UBR3: variants seen among roughly 807,000 people sequenced by gnomAD.
UBR3 encodes the protein E3 ubiquitin-protein ligase UBR3.
UBR3 carries 85 observed loss-of-function variants against 243.2 expected under a neutral mutation model. That is an observed-to-expected ratio of 0.35 (90% CI 0.29 to 0.42). The LOEUF is 0.42. Among genes scored for constraint, UBR3 ranks in the 10% least tolerant of loss-of-function variants. The pLI is 1.00. For missense variants in UBR3, 1,686 were observed against 2,300.8 expected, an observed-to-expected ratio of 0.73 and a Z score of 5.47; for synonymous variants, 748 against 799.8, an observed-to-expected ratio of 0.94 and a Z score of 1.09.
intron 1 of UBR3, among the ~76,000 whole-genome samples, chr2:169,864,035 A>G (rs2083173769): frequency 6.6e-6 from 1 of 151,958 alleles, no homozygotes; most frequent in African/African-American, 2.4e-5. Context: ...GTGCTGTCAA[A>G]TACTTTCTTT....
At chr2:170,073,690 G>T in intron 36 of UBR3, 83 bp downstream of exon 36, 1 of 1,410,156 alleles carries the variant, frequency 7.1e-7, no homozygotes, top group Non-Finnish European at 9.5e-7. Context: ...TAAATTTTAG[G>T]TCATCTGTTT....
intron 23 of UBR3, among the ~76,000 whole-genome samples, chr2:169,951,630 A>G (rs1211159748): frequency 1.3e-5 from 2 of 152,172 alleles, no homozygotes; most frequent in African/African-American, 4.8e-5. Context: ...ATAAATGGTT[A>G]CAGGGAAACT....
At chr2:170,054,284 T>C (rs1264265038) in intron 32 of UBR3, among the ~76,000 whole-genome samples, 1 of 118,806 alleles carries the variant, frequency 8.4e-6, no homozygotes, top group Non-Finnish European at 1.9e-5. Context: ...CACACCCAGC[T>C]TTTTTTTTTT....
chr2:169,877,521 A>G lies in UBR3; in HGVS notation c.872A>G (p.Lys291Arg). ...SGLGENACVK[K>R]SHEKYLIALK... is the part of the protein sequence containing the mutation. ...CTTGGAGAAAATGCTTGTGTAAAGAAAAGTCATGAAAAGTACCTTATAGCT... is the reference window on the plus strand; with the variant it reads ...CTTGGAGAAAATGCTTGTGTAAAGAGAAGTCATGAAAAGTACCTTATAGCT... Residue 291 changes from lysine to arginine, a missense_variant, in exon 4 of 39, where the codon AAA becomes AGA. This residue lies in a region of UBR3 where 200 missense variants were observed against 231.6 expected (regional missense o/e 0.86). Transcript: ENST00000272793. The G allele has an allele frequency of 6.5e-7, 1 of 1,533,024 alleles. No individual in the cohort carries two copies. The highest frequency in any genetic ancestry group is 8.7e-7 in the Non-Finnish European group (1 of 1,143,024). 95.0% of individuals were successfully genotyped at this position (1,533,024 alleles called of 1,614,324 possible). A position where few individuals can be genotyped will look rare whatever the true frequency, so the allele number is the denominator to read the frequency against.
At chr2:169,942,135 C>T (rs1239147508) in intron 19 of UBR3, among the ~76,000 whole-genome samples, 2 of 152,176 alleles carry the variant, frequency 1.3e-5, no homozygotes, top group African/African-American at 4.8e-5. Flanking sequence ...GCTTTTCCAA[C>T]CATTCGTAGT....
chr2:170,071,203 C>A (rs1297420794), intron 35 of UBR3, among the ~76,000 whole-genome samples: 1 of 152,110 alleles, frequency 6.6e-6, no homozygotes, highest in African/African-American at 2.4e-5. Flanking sequence ...TACTATACAA[C>A]CCAGCAGTTC....
chr2:169,902,090 T>C (rs1285924446), intron 8 of UBR3, among the ~76,000 whole-genome samples: 1 of 152,264 alleles, frequency 6.6e-6, no homozygotes, highest in Non-Finnish European at 1.5e-5. Context: ...AATGTGTGTT[T>C]TGATTCCACT....
At chr2:169,856,425 C>T (rs1340745556) in intron 1 of UBR3, among the ~76,000 whole-genome samples, 6 of 152,054 alleles carry the variant, frequency 3.9e-5, no homozygotes, top group African/African-American at 1.2e-4. Context: ...ACTTCTTAGA[C>T]GGGGTGGCGG....
Position 169,947,701 on chromosome 2 carries a change from T to C in UBR3, c.3070T>C (p.Leu1024=), listed in dbSNP as rs763252312. 6.7e-7 allele frequency: 1 copy of C among 1,491,738 alleles called. No individual in the cohort carries two copies. Among genetic ancestry groups the C allele is most frequent in the South Asian group, 1.4e-5 (1 of 71,794 alleles). 92.4% of individuals were successfully genotyped at this position (1,491,738 alleles called of 1,614,324 possible). ...ACCTGCAAGTACTAGCTCTGATAAC[T>C]TGGGTTCTTTACAAGTAAGTGTAAA... is the stretch of plus-strand genomic sequence containing the variant. ...DSPASTSSDN[L]GSLQNSGTAQ... Residue 1024 remains leucine, a synonymous_variant, in exon 22 of 39, where the codon TTG becomes CTG. Coordinates refer to ENST00000272793, the MANE Select transcript of UBR3 (RefSeq NM_172070.4).
In UBR3 at chr2:169,928,910, C is replaced by A. The variant is rs988137185; in HGVS notation, c.2566+42C>A. 3 of 1,316,774 alleles carry A rather than the reference C, an allele frequency of 2.3e-6. No homozygotes were observed. In the African/African-American group the frequency reaches 4.5e-5, roughly 20 times the overall value. 81.6% of individuals were successfully genotyped at this position (1,316,774 alleles called of 1,614,324 possible). On this transcript the variant is annotated intron_variant, in intron 18 of 38. Coordinates refer to ENST00000272793, the MANE Select transcript of UBR3 (RefSeq NM_172070.4). The stretch of plus-strand genomic sequence containing the variant: ...AAATGGACTCTTTCAAATATCAGTT[C>A]TTGAATGGTGAATTCTTCTGTGTAT...
intron 23 of UBR3, among the ~76,000 whole-genome samples, chr2:169,957,991 T>G (rs748803408): frequency 1.3e-5 from 2 of 152,220 alleles, no homozygotes; most frequent in Admixed American, 6.5e-5. Flanking sequence ...ACAGTAAATA[T>G]GACTATTCCT....
intron 1 of UBR3, among the ~76,000 whole-genome samples, chr2:169,840,036 T>TG (rs2082240414): frequency 6.6e-6 from 1 of 152,162 alleles, no homozygotes; most frequent in Admixed American, 6.5e-5. Context: ...ACTGCTTCTG[T>TG]GTCTCTTTGT....
chr2:170,063,231 T>C (rs1435888698), intron 35 of UBR3, among the ~76,000 whole-genome samples: 1 of 152,200 alleles, frequency 6.6e-6, no homozygotes, highest in Non-Finnish European at 1.5e-5. Flanking sequence ...AGAATCATAC[T>C]ATACTTGTTT....
At chr2:169,964,509 G>A (rs1488301851) in intron 24 of UBR3, 1 of 460,618 alleles carries the variant, frequency 2.2e-6, no homozygotes. Context: ...GAAACTGGAG[G>A]GAAGGAGGAA....
chr2:170,070,068 C>T (rs2091664910), intron 35 of UBR3, among the ~76,000 whole-genome samples: 1 of 151,996 alleles, frequency 6.6e-6, no homozygotes, highest in African/African-American at 2.4e-5. Flanking sequence ...ATACAGAGGG[C>T]TATTTCTTTA....
intron 31 of UBR3, among the ~76,000 whole-genome samples, chr2:170,034,435 G>A (rs982681043): frequency 6.6e-6 from 1 of 151,930 alleles, no homozygotes; most frequent in Non-Finnish European, 1.5e-5. Context: ...CATACAATAT[G>A]TAGCTTTTCA....
At chr2:169,929,123 A>G (rs1362204708) in intron 18 of UBR3, among the ~76,000 whole-genome samples, 2 of 152,208 alleles carry the variant, frequency 1.3e-5, no homozygotes, top group African/African-American at 2.4e-5. Flanking sequence ...TTGAACTCTA[A>G]TTCATTTTTA....
chr2:170,053,033 G>A (rs940096187), intron 32 of UBR3, among the ~76,000 whole-genome samples: 1 of 152,126 alleles, frequency 6.6e-6, no homozygotes, highest in Non-Finnish European at 1.5e-5. Context: ...CTGGAATAAG[G>A]AAAGTAGATT....
intron 1 of UBR3, among the ~76,000 whole-genome samples, chr2:169,853,839 T>A (rs890712618): frequency 6.6e-6 from 1 of 151,786 alleles, no homozygotes; most frequent in African/African-American, 2.4e-5. Flanking sequence ...GTTGTTTATA[T>A]GTGCATATGT....
Sources: allele counts gnomAD v4.1 joint callset (sites outside exome capture counted in the v4.1 genomes callset), GRCh38; gene constraint gnomAD v4.1.1; regional missense constraint gnomAD v4.1.1; transcripts MANE v1.5; gene names NCBI Gene and HGNC (gene_info 2026-07-23, HGNC 2026-07-21).